Variants in DOCK1 observed in about 807,000 individuals in gnomAD.
DOCK1 encodes dedicator of cytokinesis protein 1.
A neutral mutation model predicts 262.7 loss-of-function variants in DOCK1; 138 were observed. The ratio of observed to expected loss-of-function variants is 0.53; its 90% CI spans 0.46 to 0.61. The LOEUF (loss-of-function observed/expected upper bound fraction) is 0.61. DOCK1 is among the 20% of genes least tolerant of loss of function. DOCK1 has a pLI of 0.00. For synonymous variants in DOCK1, 866 were observed against 867.4 expected (o/e 1.00, Z 0.03); for missense variants, 1,908 against 2,370.7 (o/e 0.80, Z 4.05).
chr10:127,292,841 A>C (rs1305405762), intron 29 of DOCK1, among the ~76,000 whole-genome samples: 6 of 152,144 alleles, frequency 3.9e-5, no homozygotes, highest in Non-Finnish European at 8.8e-5. Flanking sequence ...GTGACATTCA[A>C]CCCGCCGAGA....
chr10:127,038,308 G>T (rs2043789993), intron 19 of DOCK1, among the ~76,000 whole-genome samples: 1 of 152,144 alleles, frequency 6.6e-6, no homozygotes, highest in Non-Finnish European at 1.5e-5. Flanking sequence ...GGTTTGGGGG[G>T]ACTCTCTGGG....
chr10:127,030,220 A>C (rs1397098579), intron 16 of DOCK1, among the ~76,000 whole-genome samples: 2 of 152,204 alleles, frequency 1.3e-5, no homozygotes, highest in African/African-American at 4.8e-5. Context: ...ATAAAGAGAA[A>C]GCTCGGAATC....
intron 27 of DOCK1, among the ~76,000 whole-genome samples, chr10:127,231,502 C>T (rs531935653): frequency 1.4e-4 from 17 of 121,428 alleles, no homozygotes; most frequent in African/African-American, 3.8e-4. Context: ...TCACTGCAGC[C>T]TCCACTTCCT....
Position 127,000,155 on chromosome 10 carries a change from G to A in DOCK1, c.850-17G>A, listed in dbSNP as rs770366582. 1.6e-5 allele frequency: 25 copies of A among 1,612,278 alleles called. No individual in the cohort carries two copies. Among genetic ancestry groups the A allele is most frequent in the Non-Finnish European group, 2.0e-5 (23 of 1,178,994 alleles). On this transcript the variant is annotated splice_polypyrimidine_tract_variant and intron_variant, in intron 9 of 51. Coordinates refer to ENST00000623213, the MANE Select transcript of DOCK1 (RefSeq NM_001290223.2). ...TAATGGGTCTCCAAAATAATTTATG[G>A]AAACTAATATTTCTAGGACCTCGGA... is the stretch of plus-strand genomic sequence containing the variant.
At chr10:127,188,976 G>A (rs542207761) in intron 27 of DOCK1, among the ~76,000 whole-genome samples, 5 of 152,290 alleles carry the variant, frequency 3.3e-5, no homozygotes, top group East Asian at 3.9e-4. Context: ...GCACCACCAC[G>A]CTGCACTCCA....
chr10:127,015,579 GC>G (rs1311429940), intron 12 of DOCK1, among the ~76,000 whole-genome samples: 1 of 151,970 alleles, frequency 6.6e-6, no homozygotes, highest in Admixed American at 6.5e-5. Flanking sequence ...AAGGAACGGT[GC>G]CCCCGGGACT....
chr10:127,387,630 T>C (rs575367770), intron 38 of DOCK1, among the ~76,000 whole-genome samples: 4 of 152,326 alleles, frequency 2.6e-5, no homozygotes, highest in African/African-American at 7.2e-5. Flanking sequence ...CCCAGTAGGC[T>C]CTGAGCTCTG....
At chr10:126,912,163 T>TC (rs1264339799) in intron 1 of DOCK1, among the ~76,000 whole-genome samples, 4 of 152,140 alleles carry the variant, frequency 2.6e-5, no homozygotes, top group Admixed American at 1.3e-4. Context: ...CCTCGGTGGC[T>TC]CACACCTGTA....
At chr10:127,230,347 A>T (rs900709712) in intron 27 of DOCK1, among the ~76,000 whole-genome samples, 2 of 152,116 alleles carry the variant, frequency 1.3e-5, no homozygotes, top group African/African-American at 4.8e-5. Context: ...CATTGCTCAG[A>T]CCAATTTCAA....
intron 18 of DOCK1, among the ~76,000 whole-genome samples, chr10:127,036,039 T>TA (rs755071838): frequency 6.8e-5 from 10 of 146,804 alleles, no homozygotes; most frequent in East Asian, 2.0e-4. Context: ...AATAAATAAA[T>TA]AAATAAAAAA....
rs189457872 is a variant in DOCK1, at chr10:127,048,992, G to A, written c.2202-3689G>A. 2.0e-4 allele frequency among the ~76,000 whole-genome samples: 30 copies of A among 152,230 alleles called. No homozygotes were observed. In the South Asian group the frequency reaches 5.2e-3, roughly 26 times the overall value. Reference sequence around the variant, plus strand: ...TCTTACTATATCTGTTTATTATTGCGCTGGAAGTAGTAAAGCAAGAAGAAA... The same window carrying A: ...TCTTACTATATCTGTTTATTATTGCACTGGAAGTAGTAAAGCAAGAAGAAA... On this transcript the variant is annotated intron_variant, in intron 21 of 51. Coordinates refer to ENST00000623213, the MANE Select transcript of DOCK1 (RefSeq NM_001290223.2).
chr10:127,317,473 C>T (rs2062334347), intron 29 of DOCK1, among the ~76,000 whole-genome samples: 1 of 152,204 alleles, frequency 6.6e-6, no homozygotes, highest in South Asian at 2.1e-4. Flanking sequence ...CTGTCTTGCT[C>T]TTCATGCTGG....
At chr10:127,078,255 T>G (rs2046686938) in intron 23 of DOCK1, among the ~76,000 whole-genome samples, 1 of 152,192 alleles carries the variant, frequency 6.6e-6, no homozygotes, top group Non-Finnish European at 1.5e-5. Flanking sequence ...AAGTTTTATC[T>G]TATAGAATTT....
intron 44 of DOCK1, among the ~76,000 whole-genome samples, chr10:127,417,565 C>T (rs1311414022): frequency 6.6e-6 from 1 of 152,158 alleles, no homozygotes; most frequent in Non-Finnish European, 1.5e-5. Flanking sequence ...CCCCAGGGGC[C>T]ATGAGCTCTC....
intron 1 of DOCK1, among the ~76,000 whole-genome samples, chr10:126,949,619 T>C (rs1471724247): frequency 1.3e-5 from 2 of 152,108 alleles, no homozygotes; most frequent in Non-Finnish European, 2.9e-5. Flanking sequence ...TGAATGTCCT[T>C]TCTGTGCTAT....
chr10:127,023,157 A>C (rs1262896714), intron 13 of DOCK1, 43 bp from the exon 14 acceptor site: 1 of 1,607,368 alleles, frequency 6.2e-7, no homozygotes. Flanking sequence ...TTACGCTATT[A>C]ATAATGGATT....
chr10:127,376,603 C>T (rs187677467), intron 35 of DOCK1, among the ~76,000 whole-genome samples: 5 of 152,280 alleles, frequency 3.3e-5, no homozygotes, highest in Non-Finnish European at 5.9e-5. Context: ...ATGTGATTGA[C>T]GTGAAATAGG....
chr10:126,932,927 C>T (rs1307406118), intron 1 of DOCK1, among the ~76,000 whole-genome samples: 1 of 152,154 alleles, frequency 6.6e-6, no homozygotes, highest in Non-Finnish European at 1.5e-5. Flanking sequence ...TCCCCTCCTG[C>T]TCTGGGGTCT....
chr10:126,931,735 C>T (rs945144645), intron 1 of DOCK1, among the ~76,000 whole-genome samples: 233 of 152,224 alleles, frequency 1.5e-3, no homozygotes, highest in African/African-American at 5.2e-3. Context: ...CTCTGGCGGA[C>T]GGCCTTCCTG....
Sources: allele counts gnomAD v4.1 joint callset (sites outside exome capture counted in the v4.1 genomes callset), GRCh38; gene constraint gnomAD v4.1.1; transcripts MANE v1.5; gene names NCBI Gene and HGNC (gene_info 2026-07-23, HGNC 2026-07-21).